GRIP1: variants seen among roughly 807,000 people sequenced by gnomAD.
GRIP1 encodes the protein glutamate receptor interacting protein 1.
In GRIP1, 45 loss-of-function variants were observed where a neutral mutation model predicts 129.9. The ratio of observed to expected loss-of-function variants is 0.35; its 90% confidence interval spans 0.27 to 0.44. GRIP1 has a LOEUF of 0.44. Ranked by LOEUF, GRIP1 falls within the 20% of genes least tolerant of loss-of-function variation. GRIP1 has a pLI of 1.00. For missense variants in GRIP1, 1,196 were observed against 1,396.8 expected (o/e 0.86, Z 2.29); for synonymous variants, 530 against 520.8 (o/e 1.02, Z -0.24).
intron 19 of GRIP1, among the ~76,000 whole-genome samples, chr12:66,390,513 A>G (rs2056542160): frequency 6.6e-6 from 1 of 152,184 alleles, no homozygotes; most frequent in Non-Finnish European, 1.5e-5. Context: ...ACAAATAGTA[A>G]ATGGTTTTTC....
intron 1 of GRIP1, among the ~76,000 whole-genome samples, chr12:66,686,162 G>C (rs950133908): frequency 6.6e-6 from 1 of 152,124 alleles, no homozygotes; most frequent in Non-Finnish European, 1.5e-5. Flanking sequence ...AAAGGAAAAG[G>C]CATGTGTTTT....
intron 7 of GRIP1, among the ~76,000 whole-genome samples, chr12:66,481,911 A>G (rs1414627238): frequency 6.6e-6 from 1 of 151,222 alleles, no homozygotes; most frequent in Non-Finnish European, 1.5e-5. Context: ...GAACACATGG[A>G]CACAGGGAGG....
rs561314776 is a variant in GRIP1 at position 66,717,720 on chromosome 12, C to T, written c.-420+86333G>A. 1.1e-4 allele frequency among the ~76,000 whole-genome samples: 17 copies of T among 152,184 alleles called. 1 individual carries two copies. The highest frequency in any genetic ancestry group is 4.1e-4 in the African/African-American group (17 of 41,526). On this transcript the variant is annotated intron_variant, in intron 1 of 4. Coordinates refer to the GRIP1 transcript ENST00000538373. ...CATATTGAACAGTCATTGTGTTGGT[C>T]TTTTCTTTAACTATAAATGAGATTG... is the stretch of plus-strand genomic sequence containing the variant.
intron 24 of GRIP1, among the ~76,000 whole-genome samples, chr12:66,351,555 G>GTTTTTTTTTTTTTTTTTTTTTTTTTTT: frequency 7.0e-6 from 1 of 143,520 alleles, no homozygotes; most frequent in South Asian, 2.2e-4. Flanking sequence ...ACAGGAAGGT[G>GTTTTTTTTTTTTTTTTTTTTTTTTTTT]GTTTTTTTTT....
chr12:66,845,644 T>C (rs1811459789), intron 1 of GRIP1, among the ~76,000 whole-genome samples: 1 of 152,160 alleles, frequency 6.6e-6, no homozygotes, highest in Admixed American at 6.6e-5. Context: ...ACAACGTATC[T>C]TTGATAGCTA....
At chr12:66,497,756 G>A (rs1351845224) in intron 7 of GRIP1, among the ~76,000 whole-genome samples, 1 of 152,170 alleles carries the variant, frequency 6.6e-6, no homozygotes, top group Non-Finnish European at 1.5e-5. Flanking sequence ...GCTGACTGGA[G>A]AGAGTCAGGG....
At chr12:66,616,254 C>CT (rs1286486035) in intron 1 of GRIP1, among the ~76,000 whole-genome samples, 1 of 151,696 alleles carries the variant, frequency 6.6e-6, no homozygotes, top group Non-Finnish European at 1.5e-5. Flanking sequence ...TCTTGGTATT[C>CT]TTTTTTTTAA....
chr12:66,430,970 G>T (rs2058130382), intron 14 of GRIP1, among the ~76,000 whole-genome samples: 1 of 152,132 alleles, frequency 6.6e-6, no homozygotes, highest in Non-Finnish European at 1.5e-5. Flanking sequence ...GGAAGTGGGG[G>T]CAGGGTTTCT....
In GRIP1 at chr12:66,556,041, TA is replaced by T. The variant is rs566106333; in HGVS notation, c.137-14092del. 2.4e-3 allele frequency among the ~76,000 whole-genome samples: 364 copies of T among 152,080 alleles called. 4 individuals are homozygous for T. Among genetic ancestry groups the T allele is most frequent in the African/African-American group, 8.5e-3 (351 of 41,500 alleles). On this transcript the variant is annotated intron_variant, in intron 2 of 24. Transcript: ENST00000359742. ...ATAATAACAGAGAACTTCCCAAACC[TA>T]GAGAAATATATCAATATTTAAGTAC...
chr12:66,608,307 C>A (rs968792252), intron 1 of GRIP1, among the ~76,000 whole-genome samples: 3 of 152,120 alleles, frequency 2.0e-5, no homozygotes, highest in Admixed American at 2.0e-4. Context: ...CAAAACCTCA[C>A]AAAAGTGTTA....
chr12:66,501,402 G>A (rs1272397394), intron 7 of GRIP1, among the ~76,000 whole-genome samples: 3 of 152,088 alleles, frequency 2.0e-5, no homozygotes, highest in African/African-American at 7.2e-5. Context: ...ATTATATAAT[G>A]GCTAATGGAA....
intron 9 of GRIP1, among the ~76,000 whole-genome samples, chr12:66,460,880 A>G (rs2059116767): frequency 6.6e-6 from 1 of 152,214 alleles, no homozygotes; most frequent in South Asian, 2.1e-4. Context: ...CTATGATTTA[A>G]TTATGTTTAG....
At chr12:66,609,643 A>C (rs2064702376) in intron 1 of GRIP1, among the ~76,000 whole-genome samples, 1 of 152,164 alleles carries the variant, frequency 6.6e-6, no homozygotes, top group Non-Finnish European at 1.5e-5. Flanking sequence ...CAACTTCACT[A>C]CTTTCTTCCA....
intron 2 of GRIP1, among the ~76,000 whole-genome samples, chr12:66,567,265 G>A (rs930404033): frequency 2.6e-5 from 4 of 152,218 alleles, no homozygotes; most frequent in South Asian, 2.1e-4. Context: ...GGCATTTAAC[G>A]CTATAAATTT....
intron 1 of GRIP1, among the ~76,000 whole-genome samples, chr12:66,851,027 A>G (rs1332944453): frequency 1.3e-5 from 2 of 150,864 alleles, no homozygotes; most frequent in Non-Finnish European, 3.0e-5. Flanking sequence ...ACTTCATTCC[A>G]AAAGTGATTT....
At chr12:66,483,502 A>G (rs1044643714) in intron 7 of GRIP1, among the ~76,000 whole-genome samples, 1 of 152,232 alleles carries the variant, frequency 6.6e-6, no homozygotes, top group South Asian at 2.1e-4. Context: ...GTGAAACTCG[A>G]TAATACTTCC....
At chr12:66,723,922 G>A (rs1313884981) in intron 1 of GRIP1, among the ~76,000 whole-genome samples, 2 of 152,128 alleles carry the variant, frequency 1.3e-5, no homozygotes, top group African/African-American at 4.8e-5. Context: ...GTGGTAGAGG[G>A]AAAGATGAGT....
chr12:66,661,466 A>C (rs916373846), intron 1 of GRIP1, among the ~76,000 whole-genome samples: 2 of 85,260 alleles, frequency 2.3e-5, no homozygotes, highest in African/African-American at 9.9e-5. Flanking sequence ...TGGCAAAAAA[A>C]AAAAAAAGGT....
At chr12:66,497,469 T>C (rs189800779) in intron 7 of GRIP1, among the ~76,000 whole-genome samples, 138 of 152,102 alleles carry the variant, frequency 9.1e-4, no homozygotes, top group South Asian at 1.3e-3. Context: ...GAACCCGGCA[T>C]TGGGGAGGAG....
Sources: gnomAD v4.1 joint callset for allele counts (sites outside exome capture counted in the v4.1 genomes callset) on GRCh38, gnomAD v4.1.1 for gene constraint, MANE v1.5 for transcripts, NCBI Gene and HGNC (gene_info 2026-07-23, HGNC 2026-07-21) for gene names.